Variants in NTM observed in about 807,000 individuals in gnomAD.
NTM encodes neurotrimin, also known as IgLON family member 2.
A neutral mutation model predicts 42.1 loss-of-function variants in NTM; 13 were observed. The ratio of observed to expected loss-of-function variants is 0.31; its 90% confidence interval spans 0.20 to 0.49. The LOEUF (loss-of-function observed/expected upper bound fraction) is 0.49. Ranked by LOEUF, NTM falls within the 20% of genes least tolerant of loss-of-function variation. The pLI, the probability that NTM is intolerant of heterozygous loss-of-function variation, is 0.99. For missense variants in NTM, 373 were observed against 452.8 expected (o/e 0.82, Z 1.60); for synonymous variants, 187 against 179.2 (o/e 1.04, Z -0.35).
chr11:132,176,728 T>TTTG (rs2076876500), intron 3 of NTM, among the ~76,000 whole-genome samples: 1 of 140,020 alleles, frequency 7.1e-6, no homozygotes, highest in Non-Finnish European at 1.6e-5. Context: ...TAAAGTTTTT[T>TTTG]TTTTTTTTTT....
intron 1 of NTM, among the ~76,000 whole-genome samples, chr11:131,415,546 A>G (rs1304623725): frequency 6.6e-6 from 1 of 152,228 alleles, no homozygotes; most frequent in South Asian, 2.1e-4. Flanking sequence ...TCTAGTAAAG[A>G]GTAGAACAGA....
intron 1 of NTM, among the ~76,000 whole-genome samples, chr11:131,384,232 A>G (rs1283362650): frequency 6.6e-6 from 1 of 152,230 alleles, no homozygotes; most frequent in African/African-American, 2.4e-5. Context: ...TACATAAAAA[A>G]GAATTGAGGG....
At chr11:131,924,192 A>G (rs2057626398) in intron 2 of NTM, among the ~76,000 whole-genome samples, 1 of 152,130 alleles carries the variant, frequency 6.6e-6, no homozygotes, top group Non-Finnish European at 1.5e-5. Context: ...TTACACAGAC[A>G]TCTGGTGGTG....
At chr11:132,022,684 C>G (rs954799852) in intron 2 of NTM, among the ~76,000 whole-genome samples, 1 of 152,196 alleles carries the variant, frequency 6.6e-6, no homozygotes, top group Admixed American at 6.5e-5. Context: ...TGGTTAAACT[C>G]AGGGGAAACA....
At chr11:131,487,954 G>A (rs1241273918) in intron 1 of NTM, among the ~76,000 whole-genome samples, 1 of 152,180 alleles carries the variant, frequency 6.6e-6, no homozygotes, top group Admixed American at 6.5e-5. Flanking sequence ...GAGTTGGTGG[G>A]GTCTACATTT....
intron 1 of NTM, among the ~76,000 whole-genome samples, chr11:131,687,460 C>T (rs1215063668): frequency 6.6e-6 from 1 of 152,198 alleles, no homozygotes; most frequent in East Asian, 1.9e-4. Context: ...CCGGCAGAGC[C>T]CTCTGCTCCT....
At chr11:131,460,441 T>C (rs74848837) in intron 1 of NTM, among the ~76,000 whole-genome samples, 9,267 of 152,246 alleles carry the variant, frequency 0.061, 658 homozygotes, top group East Asian at 0.22. Context: ...ACAACAATAA[T>C]GATGATGATG....
At chr11:131,870,114 T>A (rs761377574) in intron 1 of NTM, among the ~76,000 whole-genome samples, 15 of 152,178 alleles carry the variant, frequency 9.9e-5, no homozygotes, top group Non-Finnish European at 1.9e-4. Flanking sequence ...GTCTTTGCTT[T>A]TATCGAGTCC....
At chr11:131,542,830 C>T (rs1045843680) in intron 1 of NTM, among the ~76,000 whole-genome samples, 1 of 152,168 alleles carries the variant, frequency 6.6e-6, no homozygotes, top group Non-Finnish European at 1.5e-5. Flanking sequence ...GGCTCTTTGT[C>T]AAGTCTTTGT....
At chr11:131,801,505 C>T (rs976541585) in intron 1 of NTM, among the ~76,000 whole-genome samples, 1 of 152,204 alleles carries the variant, frequency 6.6e-6, no homozygotes, top group Non-Finnish European at 1.5e-5. Context: ...GAGCCTGTGG[C>T]AGTTTCGCCA....
chr11:132,039,406 C>A (rs1032359672), intron 2 of NTM, among the ~76,000 whole-genome samples: 1 of 148,926 alleles, frequency 6.7e-6, no homozygotes, highest in Non-Finnish European at 1.5e-5. Context: ...GCTAGGAAGG[C>A]CCCTCATAAT....
chr11:131,975,509 C>G (rs546110778), intron 2 of NTM, among the ~76,000 whole-genome samples: 1 of 151,970 alleles, frequency 6.6e-6, no homozygotes, highest in Admixed American at 6.5e-5. Context: ...GCCTAGTCTT[C>G]TAGATTTATA....
At chr11:131,883,202 A>T (rs759339828) in intron 1 of NTM, among the ~76,000 whole-genome samples, 9 of 152,216 alleles carry the variant, frequency 5.9e-5, no homozygotes, top group Non-Finnish European at 1.0e-4. Context: ...TAACCTTTTC[A>T]TGCCAATTAT....
At chr11:131,692,836 G>A (rs908273169) in intron 1 of NTM, among the ~76,000 whole-genome samples, 29 of 152,164 alleles carry the variant, frequency 1.9e-4, no homozygotes, top group Non-Finnish European at 1.3e-4. Context: ...AAGGAGACTC[G>A]ATTGCCTAGT....
At chr11:132,158,858 C>T (rs1039899929) in intron 3 of NTM, among the ~76,000 whole-genome samples, 2 of 152,142 alleles carry the variant, frequency 1.3e-5, no homozygotes, top group African/African-American at 4.8e-5. Context: ...ACAAATCACA[C>T]AGCAGGAAGG....
chr11:131,889,198 C>G (rs2050860143), intron 1 of NTM, among the ~76,000 whole-genome samples: 1 of 152,206 alleles, frequency 6.6e-6, no homozygotes, highest in South Asian at 2.1e-4. Context: ...CTGTCTGTAG[C>G]AAGCAGGCCT....
chr11:131,630,539 A>G (rs1323007496), intron 1 of NTM, among the ~76,000 whole-genome samples: 1 of 152,160 alleles, frequency 6.6e-6, no homozygotes, highest in African/African-American at 2.4e-5. Flanking sequence ...CCCACAAAGT[A>G]TTTCCTCTTC....
At chr11:132,141,012 A>G (rs1208940989) in intron 2 of NTM, 1 of 152,186 alleles carries the variant, frequency 6.6e-6, no homozygotes, top group African/African-American at 2.4e-5. Context: ...CATTTGATAG[A>G]AGGAACGGTT....
At chr11:132,219,190 A>T (rs1030777198) in intron 4 of NTM, among the ~76,000 whole-genome samples, 3 of 151,912 alleles carry the variant, frequency 2.0e-5, no homozygotes, top group African/African-American at 4.8e-5. Flanking sequence ...TCAAGACCAT[A>T]CTCAAGTGCT....
Sources: allele counts gnomAD v4.1 joint callset (sites outside exome capture counted in the v4.1 genomes callset), GRCh38; gene constraint gnomAD v4.1.1; transcripts MANE v1.5; gene names NCBI Gene and HGNC (gene_info 2026-07-23, HGNC 2026-07-21).